AGK: variants seen among roughly 807,000 people sequenced by gnomAD.
AGK encodes the protein acylglycerol kinase.
AGK carries 52 observed loss-of-function variants against 66.4 expected under a neutral mutation model. The observed-to-expected ratio is 0.78, with a 90% CI of 0.63 to 0.99. The LOEUF (loss-of-function observed/expected upper bound fraction) is 0.99. Ranked by LOEUF, AGK falls within the 50% of genes least tolerant of loss-of-function variation. The pLI is 0.00. For synonymous variants in AGK, 182 were observed against 181.1 expected (o/e 1.00, Z -0.04); for missense variants, 451 against 506.6 (o/e 0.89, Z 1.05).
Position 141,649,345 on chromosome 7 carries a change from G to C in AGK, c.1046+12G>C. The C allele has an allele frequency of 6.3e-7, 1 of 1,592,864 alleles. No individual in the cohort carries two copies. On this transcript the variant is annotated intron_variant, in intron 14 of 15. Coordinates refer to ENST00000649286, the MANE Select transcript of AGK (RefSeq NM_018238.4). ...TTTATAACTATAGGGTAAGTGGACT[G>C]GGGTTCACAGGAAATGAGGCTTGTG...
intron 2 of AGK, among the ~76,000 whole-genome samples, chr7:141,591,163 G>A (rs1434015266): frequency 2.2e-5 from 3 of 139,458 alleles, no homozygotes; most frequent in African/African-American, 8.0e-5. Context: ...CGTGATCTTG[G>A]CTCAATGCAA....
intron 9 of AGK, among the ~76,000 whole-genome samples, chr7:141,626,776 AG>A (rs1346916786): frequency 6.6e-6 from 1 of 152,248 alleles, no homozygotes; most frequent in African/African-American, 2.4e-5. Flanking sequence ...CTGCAGTACA[AG>A]AGCCTGAATT....
At chr7:141,562,868 G>C (rs966190559) in intron 2 of AGK, among the ~76,000 whole-genome samples, 1 of 152,194 alleles carries the variant, frequency 6.6e-6, no homozygotes, top group African/African-American at 2.4e-5. Flanking sequence ...GTCAGGGATG[G>C]CATCTTTGGG....
chr7:141,555,521 C>T lies in AGK; in HGVS notation c.55C>T (p.Leu19Phe), dbSNP rs367844999. The T allele has an allele frequency of 1.9e-4, 304 of 1,614,140 alleles. 3 individuals carry two copies. The highest frequency in any genetic ancestry group is 1.9e-3 in the South Asian group (170 of 91,062). Residue 19 changes from leucine to phenylalanine, a missense_variant, in exon 2 of 16, where the codon CTC becomes TTC. Physicochemically the swap from Leu to Phe is conservative, Grantham distance 22 (BLOSUM62 0). Coordinates refer to ENST00000649286, the MANE Select transcript of AGK (RefSeq NM_018238.4). This position sits in a 1 kb window ranked among gnomAD's most constrained non-coding sequence, Gnocchi z 4.2. ...TCACTGGAAGAAAACTACAGCTGGGCTCTGCCTGCTGACCTGGGGAGGCCA... is the reference window on the plus strand; with the variant it reads ...TCACTGGAAGAAAACTACAGCTGGGTTCTGCCTGCTGACCTGGGGAGGCCA... ...RNHWKKTTAG[L>F]CLLTWGGHWL...
intron 4 of AGK, among the ~76,000 whole-genome samples, chr7:141,597,680 G>C (rs1482575749): frequency 6.6e-6 from 1 of 151,808 alleles, no homozygotes; most frequent in Admixed American, 6.6e-5. Flanking sequence ...AGACCAGCCT[G>C]GGTAACATGG....
intron 10 of AGK, among the ~76,000 whole-genome samples, chr7:141,636,692 A>G (rs549328944): frequency 6.6e-6 from 1 of 152,368 alleles, no homozygotes; most frequent in South Asian, 2.1e-4. Flanking sequence ...TTGTGAATTT[A>G]GTGACTCAAG....
At chr7:141,641,536 G>A (rs1481063540) in intron 12 of AGK, 138 bp downstream of exon 12, 2 of 1,035,762 alleles carry the variant, frequency 1.9e-6, no homozygotes, top group Non-Finnish European at 2.8e-6. Flanking sequence ...ATCCTTCTGT[G>A]TGCCACCAGA....
At chr7:141,620,309 T>C (rs530234802) in intron 8 of AGK, among the ~76,000 whole-genome samples, 5 of 152,200 alleles carry the variant, frequency 3.3e-5, no homozygotes, top group Non-Finnish European at 7.3e-5. Flanking sequence ...CCTAAAAGTA[T>C]GAATTTTACT....
intron 2 of AGK, among the ~76,000 whole-genome samples, chr7:141,579,254 G>C (rs549181350): frequency 2.6e-5 from 4 of 152,184 alleles, no homozygotes; most frequent in African/African-American, 9.7e-5. Context: ...GCTTGGTGAG[G>C]TGTGTTTTTA....
At chr7:141,599,702 G>C (rs1796302562) in intron 4 of AGK, among the ~76,000 whole-genome samples, 1 of 152,148 alleles carries the variant, frequency 6.6e-6, no homozygotes, top group Non-Finnish European at 1.5e-5. Flanking sequence ...CCTGGAAGGA[G>C]AATTGTTTGC....
intron 3 of AGK, 109 bp from the exon 4 acceptor site, chr7:141,596,453 G>T (rs1181523377): frequency 3.3e-6 from 3 of 899,350 alleles, no homozygotes; most frequent in Non-Finnish European, 5.4e-6. Context: ...TTCCCCAAGG[G>T]TAGATACCTT....
rs1797296811 is a variant in AGK, at chr7:141,641,792, A to G, written c.878-19A>G. ...ATGTTAATGGAAGAAACTGACCTGT[A>G]TCTAATGGATTCCCACAGCCCTTTC... is the stretch of plus-strand genomic sequence containing the variant. On this transcript the variant is annotated intron_variant, in intron 12 of 15. Transcript: ENST00000649286. The G allele has an allele frequency of 6.4e-7, 1 of 1,557,620 alleles. No individual in the cohort carries two copies. Among genetic ancestry groups the G allele is most frequent in the East Asian group, 2.4e-5 (1 of 42,422 alleles).
chr7:141,573,744 G>A (rs943703755), intron 2 of AGK, among the ~76,000 whole-genome samples: 2 of 152,190 alleles, frequency 1.3e-5, no homozygotes, highest in South Asian at 2.1e-4. Flanking sequence ...GCAGAGGGAC[G>A]TGGGGACATA....
At chr7:141,639,258 T>C (rs1217546674) in intron 11 of AGK, among the ~76,000 whole-genome samples, 2 of 152,042 alleles carry the variant, frequency 1.3e-5, no homozygotes, top group South Asian at 2.1e-4. Context: ...TGTAAAGAAG[T>C]GGAGACAGCA....
intron 2 of AGK, among the ~76,000 whole-genome samples, chr7:141,578,541 AC>A (rs1795805231): frequency 6.6e-6 from 1 of 151,422 alleles, no homozygotes. Context: ...GGGCAGCAAA[AC>A]TTTTTTGGGG....
intron 9 of AGK, among the ~76,000 whole-genome samples, chr7:141,622,661 C>T (rs1796851690): frequency 1.3e-5 from 2 of 152,178 alleles, no homozygotes; most frequent in Admixed American, 6.5e-5. Context: ...TTCTCTGTTC[C>T]CTGTGACACA....
rs537677408 is a variant in AGK at position 141,596,670 on chromosome 7, T to G, written c.221+29T>G. On this transcript the variant is annotated intron_variant, in intron 4 of 15. Coordinates refer to ENST00000649286, the MANE Select transcript of AGK (RefSeq NM_018238.4). ...GTTCCGTTTGTGACTTGTTATATACTTGCTTTTTCTAAGGGGGAAAGAAAT... is the reference window on the plus strand; with the variant it reads ...GTTCCGTTTGTGACTTGTTATATACGTGCTTTTTCTAAGGGGGAAAGAAAT... 10 of 1,595,522 alleles carry G rather than the reference T, an allele frequency of 6.3e-6. No homozygotes were observed. The East Asian group carries it at 2.2e-4, about 36-fold the overall frequency.
intron 13 of AGK, among the ~76,000 whole-genome samples, chr7:141,644,673 CTATT>C (rs1412043820): frequency 2.0e-5 from 3 of 152,066 alleles, no homozygotes; most frequent in Admixed American, 1.3e-4. Context: ...TATTTTCTAT[CTATT>C]GACATGGGAA....
chr7:141,648,043 C>A (rs1334333504), intron 13 of AGK, among the ~76,000 whole-genome samples: 1 of 152,188 alleles, frequency 6.6e-6, no homozygotes, highest in South Asian at 2.1e-4. Flanking sequence ...GTGGCACCTG[C>A]TAAAGTTTGA....
Sources: gnomAD v4.1 joint callset for allele counts (sites outside exome capture counted in the v4.1 genomes callset) on GRCh38, gnomAD v4.1.1 for gene constraint, Gnocchi (gnomAD v3.1) non-coding constraint, MANE v1.5 for transcripts, NCBI Gene and HGNC (gene_info 2026-07-23, HGNC 2026-07-21) for gene names.